Variants in C5 observed in about 807,000 individuals in gnomAD.
The protein encoded by C5 is complement C5.
In C5, 140 loss-of-function variants were observed where a neutral mutation model predicts 218.8. The ratio of observed to expected loss-of-function variants is 0.64; its 90% CI spans 0.56 to 0.74. The LOEUF (loss-of-function observed/expected upper bound fraction) is 0.74, where lower values mean the gene tolerates loss of function less well. C5 is among the 30% of genes least tolerant of loss of function. The pLI is 0.00. For missense variants in C5, 1,700 were observed against 1,969.6 expected (o/e 0.86, Z 2.59); for synonymous variants, 614 against 682.3 (o/e 0.90, Z 1.56).
chr9:121,029,962 C>T (rs1201281176), intron 7 of C5, among the ~76,000 whole-genome samples: 1 of 152,184 alleles, frequency 6.6e-6, no homozygotes, highest in Non-Finnish European at 1.5e-5. Context: ...CCAGCTGACA[C>T]CAGCCTGGCC....
chr9:121,001,916 C>G (rs7031036), intron 20 of C5, among the ~76,000 whole-genome samples: 92,190 of 151,702 alleles, frequency 0.61, 28,305 homozygotes, highest in East Asian at 0.81. Context: ...TGCATAAATG[C>G]AGACTTTGCA....
At chr9:121,002,236 ATG>A (rs1491163228) in intron 20 of C5, among the ~76,000 whole-genome samples, 17 of 55,054 alleles carry the variant, frequency 3.1e-4, no homozygotes, top group Admixed American at 2.4e-3. Flanking sequence ...ATATGTATAT[ATG>A]TATATGTATA....
intron 4 of C5, among the ~76,000 whole-genome samples, chr9:121,035,399 T>A (rs1431445836): frequency 6.6e-6 from 1 of 152,200 alleles, no homozygotes. Context: ...TCTCAAATGG[T>A]TAAACAAACT....
At chr9:120,971,800 A>AGTGAATCCCACTT (rs1419770086) in intron 31 of C5, 130 bp downstream of exon 31, 1 of 704,546 alleles carries the variant, frequency 1.4e-6, no homozygotes, top group Non-Finnish European at 2.6e-6. Context: ...GATTTACATA[A>AGTGAATCCCACTT]GTGAATCCCA....
the C5 span, among the ~76,000 whole-genome samples, chr9:121,072,273 T>C: frequency 2.6e-5 from 4 of 152,276 alleles, no homozygotes; most frequent in Non-Finnish European, 5.9e-5. Flanking sequence ...TTGATGGCTA[T>C]TAATTGATAC....
intron 20 of C5, among the ~76,000 whole-genome samples, chr9:121,001,578 G>C (rs1476882112): frequency 6.6e-6 from 1 of 152,030 alleles, no homozygotes; most frequent in Non-Finnish European, 1.5e-5. Flanking sequence ...ATATTATTCT[G>C]CAATTTGCTT....
intron 25 of C5, among the ~76,000 whole-genome samples, chr9:120,983,944 C>A (rs976213359): frequency 6.6e-6 from 1 of 152,200 alleles, no homozygotes; most frequent in Non-Finnish European, 1.5e-5. Context: ...TATAGCCTTC[C>A]CATCTACCTT....
chr9:121,059,530 T>C, the C5 span, among the ~76,000 whole-genome samples: 1 of 152,216 alleles, frequency 6.6e-6, no homozygotes, highest in Non-Finnish European at 1.5e-5. This position sits in a 1 kb window ranked among gnomAD's most constrained non-coding sequence, Gnocchi z 4.1. Context: ...CATCTAATTC[T>C]AATACCTGTT....
chr9:121,021,733 A>G (rs1426304366), intron 10 of C5, 39 bp from the exon 11 acceptor site: 1 of 1,462,320 alleles, frequency 6.8e-7, no homozygotes, highest in Non-Finnish European at 9.6e-7. Flanking sequence ...TCAACAGCTC[A>G]TCACTTATTT....
At chr9:121,053,952 G>T (rs2047685623), upstream of C5, among the ~76,000 whole-genome samples, 2 of 152,164 alleles carry the variant, frequency 1.3e-5, no homozygotes, top group Admixed American at 6.5e-5. Context: ...GAGTCTATTT[G>T]AGTGGCAGTC....
chr9:121,030,693 T>G (rs2047466897), intron 6 of C5, among the ~76,000 whole-genome samples: 1 of 152,150 alleles, frequency 6.6e-6, no homozygotes, highest in African/African-American at 2.4e-5. Flanking sequence ...CAGAGGTCAA[T>G]CCAGAAGCAC....
chr9:120,960,137 A>G, intron 38 of C5, 111 bp downstream of exon 38: 2 of 729,764 alleles, frequency 2.7e-6, no homozygotes, highest in Admixed American at 2.1e-5. Flanking sequence ...AGGGGATCAC[A>G]TGGAATGTTG....
chr9:121,063,151 G>A, the C5 span, among the ~76,000 whole-genome samples: 23 of 150,228 alleles, frequency 1.5e-4, no homozygotes, highest in African/African-American at 4.2e-4. Context: ...CTGTCTTTAT[G>A]TATATGTTTG....
rs41314049 is a variant in C5, at chr9:120,952,889, T to C, written c.4902-21A>G. ...TGTACCTACCAAGAAACAAAGTGTT[T>C]GTGAGGTGGCCACAAAACAGAAAAG... On this transcript the variant is annotated intron_variant, in intron 40 of 40. Transcript: ENST00000223642. 10,346 of 1,612,828 alleles carry C rather than the reference T, an allele frequency of 6.4e-3. 49 individuals carry two copies. Among genetic ancestry groups the C allele is most frequent in the Non-Finnish European group, 7.6e-3 (8,916 of 1,179,432 alleles).
Position 121,006,001 on chromosome 9 carries a change from AT to A in C5, c.2479del (p.Met827Ter). 1 of 1,613,702 alleles carries A rather than the reference AT, an allele frequency of 6.2e-7. No individual in the cohort carries two copies. The highest frequency in any genetic ancestry group is 8.5e-7 in the Non-Finnish European group (1 of 1,179,698). On this transcript the variant is annotated frameshift_variant, in exon 20 of 41. Coordinates refer to ENST00000223642, the MANE Select transcript of C5 (RefSeq NM_001735.3). LOFTEE classifies it high-confidence loss of function. The stretch of plus-strand genomic sequence containing the variant: ...TCGTACAACAGAATATGGTATATTC[AT>A]TTCCAGGAAGACATCTTTGAACACC... ...AKVFKDVFLEMNIPYSVVRGE... is the reference protein window; with the variant it reads ...AKVFKDVFLEXNIPYSVVRGE...
intron 17 of C5, among the ~76,000 whole-genome samples, chr9:121,012,874 T>C (rs1394869628): frequency 1.3e-5 from 2 of 152,128 alleles, no homozygotes; most frequent in African/African-American, 4.8e-5. Flanking sequence ...TCTAAGCATA[T>C]CTAAACACAG....
rs747382387 is a variant in C5 at position 120,976,890 on chromosome 9, T to C, written c.3674A>G (p.Tyr1225Cys). Residue 1225 changes from tyrosine to cysteine, a missense_variant, in exon 29 of 41, where the codon TAT becomes TGT. Transcript: ENST00000223642. ...CTGAAGATTGTCTTTCCAAAAACGA[T>C]AAATGGGTGGATTACCTGAACATCA... ...EALVKGNPPI[Y>C]RFWKDNLQHK... 2.0e-5 allele frequency: 32 copies of C among 1,613,644 alleles called. No individual in the cohort carries two copies. The highest frequency in any genetic ancestry group is 2.5e-5 in the Non-Finnish European group (29 of 1,179,682).
At chr9:120,979,856 G>A in intron 28 of C5, 1 of 487,582 alleles carries the variant, frequency 2.1e-6, no homozygotes, top group Non-Finnish European at 3.8e-6. Flanking sequence ...TCCAGCCTGG[G>A]TGACAGAGCG....
chr9:121,062,323 T>C, the C5 span, among the ~76,000 whole-genome samples: 1 of 152,214 alleles, frequency 6.6e-6, no homozygotes, highest in Non-Finnish European at 1.5e-5. Flanking sequence ...GACATAAATA[T>C]CGTGCTGTCA....
Sources: allele counts gnomAD v4.1 joint callset (sites outside exome capture counted in the v4.1 genomes callset), GRCh38; gene constraint gnomAD v4.1.1; non-coding constraint Gnocchi (gnomAD v3.1); transcripts MANE v1.5; gene names NCBI Gene and HGNC (gene_info 2026-07-23, HGNC 2026-07-21).